The following CDH12 variants were observed in gnomAD, a reference collection of about 807,000 sequenced individuals.
CDH12 encodes cadherin-12.
In CDH12, 41 loss-of-function variants were observed where a neutral mutation model predicts 74.1. The observed-to-expected ratio is 0.55, with a 90% CI of 0.43 to 0.72. The LOEUF is 0.72. CDH12 is among the 30% of genes least tolerant of loss of function. CDH12 has a pLI of 0.00. For missense variants in CDH12, 945 were observed against 977.2 expected (o/e 0.97, Z 0.44); for synonymous variants, 399 against 355.0 (o/e 1.12, Z -1.39).
intron 4 of CDH12, among the ~76,000 whole-genome samples, chr5:22,156,367 C>A (rs1313622195): frequency 1.3e-5 from 2 of 152,092 alleles, no homozygotes; most frequent in Non-Finnish European, 2.9e-5. Context: ...ATAGAGATTT[C>A]TCAAAATTTA....
At chr5:22,476,478 G>A (rs1746177168) in intron 2 of CDH12, among the ~76,000 whole-genome samples, 1 of 151,930 alleles carries the variant, frequency 6.6e-6, no homozygotes, top group Admixed American at 6.6e-5. Context: ...CAGTAATCAG[G>A]TCTCCTCCTT....
chr5:22,501,929 G>A (rs1017739348), intron 2 of CDH12, among the ~76,000 whole-genome samples: 2 of 152,084 alleles, frequency 1.3e-5, no homozygotes, highest in African/African-American at 4.8e-5. Context: ...AATGTTTTCT[G>A]AGTGTCAGGA....
chr5:22,291,807 C>T (rs1737400163), intron 3 of CDH12, among the ~76,000 whole-genome samples: 3 of 152,042 alleles, frequency 2.0e-5, no homozygotes, highest in South Asian at 4.1e-4. Context: ...AATGCAATTC[C>T]TATTAAAATA....
intron 1 of CDH12, among the ~76,000 whole-genome samples, chr5:22,578,019 C>G (rs1739879863): frequency 6.6e-6 from 1 of 152,248 alleles, no homozygotes; most frequent in Admixed American, 6.5e-5. Context: ...ATTACTGCAA[C>G]CCAACTAGTG....
At chr5:22,205,022 G>A (rs1292284665) in intron 4 of CDH12, among the ~76,000 whole-genome samples, 4 of 152,176 alleles carry the variant, frequency 2.6e-5, no homozygotes, top group Non-Finnish European at 5.9e-5. Flanking sequence ...CTAGCATCTA[G>A]CACAGCACCT....
intron 3 of CDH12, among the ~76,000 whole-genome samples, chr5:22,359,941 G>A (rs959274104): frequency 1.3e-5 from 2 of 151,896 alleles, no homozygotes; most frequent in Non-Finnish European, 2.9e-5. Context: ...GTGTGTAGAG[G>A]GAAATTTATA....
intron 12 of CDH12, among the ~76,000 whole-genome samples, chr5:21,763,795 A>T (rs1744855381): frequency 6.6e-6 from 1 of 152,152 alleles, no homozygotes; most frequent in African/African-American, 2.4e-5. Flanking sequence ...AACCTTTCAC[A>T]ATCAGTTTCA....
intron 1 of CDH12, among the ~76,000 whole-genome samples, chr5:22,585,715 C>G (rs1246994038): frequency 6.6e-6 from 1 of 151,186 alleles, no homozygotes; most frequent in African/African-American, 2.4e-5. Flanking sequence ...TGACATTTTA[C>G]TACATTTTTT....
chr5:21,801,492 A>C (rs1195661672), intron 10 of CDH12, among the ~76,000 whole-genome samples: 1 of 152,196 alleles, frequency 6.6e-6, no homozygotes, highest in Non-Finnish European at 1.5e-5. Flanking sequence ...CAATGCATAA[A>C]TGAGGAAAAG....
chr5:22,059,984 T>A (rs2150204672), intron 5 of CDH12, among the ~76,000 whole-genome samples: 1 of 152,234 alleles, frequency 6.6e-6, no homozygotes, highest in East Asian at 1.9e-4. Flanking sequence ...AGGTTATATT[T>A]ATCAAGAAGG....
chr5:21,980,635 C>T (rs1303185443), intron 5 of CDH12, among the ~76,000 whole-genome samples: 1 of 151,824 alleles, frequency 6.6e-6, no homozygotes, highest in African/African-American at 2.4e-5. Flanking sequence ...TGAACTTACT[C>T]GTTTATTTTT....
chr5:22,582,854 T>C (rs1740174255), intron 1 of CDH12, among the ~76,000 whole-genome samples: 1 of 152,102 alleles, frequency 6.6e-6, no homozygotes, highest in Admixed American at 6.6e-5. Flanking sequence ...GCAAAGGAGC[T>C]GGGGGTTTGT....
intron 1 of CDH12, among the ~76,000 whole-genome samples, chr5:22,629,518 C>T (rs1475560623): frequency 1.3e-5 from 2 of 152,076 alleles, no homozygotes; most frequent in African/African-American, 4.8e-5. Flanking sequence ...ACCACACGAT[C>T]ATCTCAATAG....
At chr5:22,032,830 A>G (rs1295796037) in intron 5 of CDH12, among the ~76,000 whole-genome samples, 6 of 149,858 alleles carry the variant, frequency 4.0e-5, no homozygotes, top group African/African-American at 1.2e-4. Context: ...ACACACACAC[A>G]CACACGCACA....
At chr5:22,761,732 G>T (rs1325183342) in intron 1 of CDH12, among the ~76,000 whole-genome samples, 5 of 152,054 alleles carry the variant, frequency 3.3e-5, no homozygotes, top group Non-Finnish European at 7.4e-5. Flanking sequence ...CTTAAATGGT[G>T]ATTTAAAATA....
At chr5:22,256,482 C>A (rs1753323171) in intron 3 of CDH12, among the ~76,000 whole-genome samples, 3 of 152,150 alleles carry the variant, frequency 2.0e-5, no homozygotes, top group East Asian at 3.9e-4. Flanking sequence ...TGATAAGCAA[C>A]TGTATAACTG....
At chr5:21,993,870 T>C (rs1316653159) in intron 5 of CDH12, among the ~76,000 whole-genome samples, 2 of 152,170 alleles carry the variant, frequency 1.3e-5, no homozygotes, top group East Asian at 3.9e-4. Flanking sequence ...AGATAAATAC[T>C]GAAATCTAAT....
intron 4 of CDH12, among the ~76,000 whole-genome samples, chr5:22,134,093 T>C (rs930092947): frequency 6.6e-6 from 1 of 152,118 alleles, no homozygotes; most frequent in African/African-American, 2.4e-5. Flanking sequence ...TTTTGTTTCA[T>C]TATGAGAGTC....
intron 9 of CDH12, 140 bp from the exon 10 acceptor site, chr5:21,802,560 G>T: frequency 1.5e-6 from 1 of 648,618 alleles, no homozygotes; most frequent in South Asian, 2.0e-5. Context: ...TAACTAGTGG[G>T]TAAGGGCAGC....
Sources: gnomAD v4.1 joint callset for allele counts (sites outside exome capture counted in the v4.1 genomes callset) on GRCh38, gnomAD v4.1.1 for gene constraint, MANE v1.5 for transcripts, NCBI Gene and HGNC (gene_info 2026-07-23, HGNC 2026-07-21) for gene names.